Variants in DOCK2 observed in about 807,000 individuals in gnomAD.
DOCK2 encodes dedicator of cytokinesis protein 2.
Under a neutral mutation model 248.9 loss-of-function variants are expected in DOCK2, and 87 were observed. That is an observed-to-expected ratio of 0.35 (90% confidence interval 0.29 to 0.42). The LOEUF (loss-of-function observed/expected upper bound fraction) is 0.42. Among genes scored for constraint, DOCK2 ranks in the 10% least tolerant of loss-of-function variants. The pLI is 1.00. For missense variants in DOCK2, 1,747 were observed against 2,300.2 expected (o/e 0.76, Z 4.92); for synonymous variants, 805 against 821.6 (o/e 0.98, Z 0.35).
chr5:169,702,623 ACCAAAG>A, intron 14 of DOCK2, 196 bp downstream of exon 14: 1 of 613,878 alleles, frequency 1.6e-6, no homozygotes, highest in Non-Finnish European at 2.5e-6. Flanking sequence ...ATTTCCTTAC[ACCAAAG>A]CAGTTTTTCA....
intron 5 of DOCK2, 128 bp from the exon 6 acceptor site, chr5:169,674,169 G>A (rs1581012477): frequency 9.2e-7 from 1 of 1,091,154 alleles, no homozygotes; most frequent in East Asian, 2.5e-5. Context: ...CTTTTGTAGT[G>A]GGTAGGGCAG....
chr5:169,967,465 T>C (rs1440722021), intron 27 of DOCK2, among the ~76,000 whole-genome samples: 1 of 152,090 alleles, frequency 6.6e-6, no homozygotes, highest in African/African-American at 2.4e-5. Context: ...TTAGTATAAG[T>C]TCTGTGTGGC....
chr5:169,818,505 C>T (rs1338573973), intron 26 of DOCK2, among the ~76,000 whole-genome samples: 2 of 152,212 alleles, frequency 1.3e-5, no homozygotes, highest in African/African-American at 2.4e-5. Context: ...CTCAGCTTAT[C>T]TCTCCATGTT....
intron 27 of DOCK2, among the ~76,000 whole-genome samples, chr5:169,940,621 T>C (rs2113704361): frequency 6.6e-6 from 1 of 152,302 alleles, no homozygotes; most frequent in Middle Eastern, 3.4e-3. Flanking sequence ...CATTAGGCAT[T>C]AGATTCTCAT....
At chr5:169,750,912 T>C (rs549915287) in intron 23 of DOCK2, among the ~76,000 whole-genome samples, 2 of 152,350 alleles carry the variant, frequency 1.3e-5, no homozygotes, top group South Asian at 4.1e-4. Context: ...ACAAGGACTC[T>C]TCTATAGACT....
chr5:169,759,156 A>G (rs1764345568), intron 23 of DOCK2, among the ~76,000 whole-genome samples: 1 of 152,202 alleles, frequency 6.6e-6, no homozygotes, highest in Admixed American at 6.5e-5. Flanking sequence ...TAGTGGACCA[A>G]AACATACCCA....
At chr5:169,944,402 C>T (rs369579313) in intron 27 of DOCK2, among the ~76,000 whole-genome samples, 8 of 152,296 alleles carry the variant, frequency 5.3e-5, no homozygotes, top group African/African-American at 1.4e-4. Flanking sequence ...ACGTGGCAGC[C>T]GTGGCCTTCT....
At chr5:169,797,223 A>T (rs1766707552) in intron 25 of DOCK2, among the ~76,000 whole-genome samples, 1 of 152,180 alleles carries the variant, frequency 6.6e-6, no homozygotes, top group African/African-American at 2.4e-5. Context: ...TGTGGGGAAG[A>T]GGGTCAATTC....
At chr5:169,647,628 G>A (rs1447377030) in intron 1 of DOCK2, among the ~76,000 whole-genome samples, 1 of 152,030 alleles carries the variant, frequency 6.6e-6, no homozygotes, top group Non-Finnish European at 1.5e-5. Flanking sequence ...CCATTAAGAT[G>A]GCCCTGCCAT....
At chr5:169,941,780 A>G (rs1224099449) in intron 27 of DOCK2, among the ~76,000 whole-genome samples, 1 of 152,162 alleles carries the variant, frequency 6.6e-6, no homozygotes, top group Non-Finnish European at 1.5e-5. Flanking sequence ...CGAATACCAC[A>G]CGCTTTCTTG....
intron 22 of DOCK2, among the ~76,000 whole-genome samples, chr5:169,747,181 C>T (rs950173797): frequency 3.3e-5 from 5 of 151,996 alleles, no homozygotes; most frequent in Admixed American, 6.6e-5. Context: ...AGGTGTATGC[C>T]CTGTTAGTTG....
chr5:170,056,877 A>G, intron 43 of DOCK2, 109 bp downstream of exon 43: 1 of 998,394 alleles, frequency 1.0e-6, no homozygotes, highest in South Asian at 1.6e-5. Context: ...GCCAGAGAAA[A>G]TAAAGCCAAC....
At chr5:169,719,034 G>C (rs1461928183) in intron 22 of DOCK2, among the ~76,000 whole-genome samples, 2 of 152,172 alleles carry the variant, frequency 1.3e-5, no homozygotes, top group African/African-American at 4.8e-5. Context: ...GTGATTTGAG[G>C]CTCTTCTGTG....
At position 169,700,100 on chromosome 5, in the gene DOCK2, G is replaced by C; in HGVS notation, c.1219G>C (p.Val407Leu). 6.2e-7 allele frequency: 1 copy of C among 1,614,020 alleles called. No individual in the cohort carries two copies. The highest frequency in any genetic ancestry group is 8.5e-7 in the Non-Finnish European group (1 of 1,179,898). ...ACACCTGGTGGACAGGACCACCGTG[G>C]TGGCCAGGAAGCTGGGATTCCCAGA... ...YPHLVDRTTV[V>L]ARKLGFPEII... The change falls in exon 13 of 52, where the codon GTG (valine) becomes CTG (leucine). Residue 407 changes from valine (V) to leucine (L), a missense_variant. By Grantham distance (32) the Val-to-Leu change is conservative. Transcript: ENST00000520908.
chr5:170,008,674 T>A lies in DOCK2; in HGVS notation c.3174-14T>A. 6.2e-7 allele frequency: 1 copy of A among 1,614,050 alleles called. No individual in the cohort carries two copies. Reference sequence around the variant, plus strand: ...TGAGATGGTGCCTGAAGCAGAGGTTTTTGTTCCTCCTAGGTATGGGGACAT... The same window carrying A: ...TGAGATGGTGCCTGAAGCAGAGGTTATTGTTCCTCCTAGGTATGGGGACAT... On this transcript the variant is annotated splice_polypyrimidine_tract_variant and intron_variant, in intron 31 of 51. Coordinates refer to ENST00000520908, the MANE Select transcript of DOCK2 (RefSeq NM_004946.3).
At chr5:169,792,970 G>A (rs1458112574) in intron 25 of DOCK2, among the ~76,000 whole-genome samples, 1 of 152,212 alleles carries the variant, frequency 6.6e-6, no homozygotes, top group Non-Finnish European at 1.5e-5. Context: ...GGCAAGTGCA[G>A]TGGGGTAACT....
chr5:169,882,825 C>G (rs534029058), intron 27 of DOCK2: 15 of 1,549,990 alleles, frequency 9.7e-6, no homozygotes, highest in Non-Finnish European at 9.6e-6. Context: ...GGTTGTTTGC[C>G]GTCTGCTCCT....
At chr5:169,942,953 C>G (rs259912) in intron 27 of DOCK2, among the ~76,000 whole-genome samples, 7,868 of 152,238 alleles carry the variant, frequency 0.052, 441 homozygotes, top group African/African-American at 0.14. Flanking sequence ...ATGAGAGACT[C>G]TATGTAAAAC....
intron 32 of DOCK2, among the ~76,000 whole-genome samples, chr5:170,011,157 G>A (rs1581525317): frequency 6.6e-6 from 1 of 152,316 alleles, no homozygotes; most frequent in Non-Finnish European, 1.5e-5. Context: ...TATTGTAATT[G>A]AAGTGAGGTG....
Sources: allele counts gnomAD v4.1 joint callset (sites outside exome capture counted in the v4.1 genomes callset), GRCh38; gene constraint gnomAD v4.1.1; transcripts MANE v1.5; gene names NCBI Gene and HGNC (gene_info 2026-07-23, HGNC 2026-07-21).